Variants in KDM4C observed in about 807,000 individuals in gnomAD.
The protein encoded by KDM4C is lysine demethylase 4C.
Under a neutral mutation model 129.3 loss-of-function variants are expected in KDM4C, and 81 were observed. The observed-to-expected ratio is 0.63, with a 90% CI of 0.52 to 0.75. KDM4C has a LOEUF of 0.75. Among genes scored for constraint, KDM4C ranks in the 30% least tolerant of loss-of-function variants. The pLI is 0.00. For synonymous variants in KDM4C, 573 were observed against 456.1 expected (o/e 1.26, Z -3.26); for missense variants, 1,457 against 1,304.0 (o/e 1.12, Z -1.81).
chr9:6,880,072 C>G lies in KDM4C; in HGVS notation c.679+11C>G, dbSNP rs565986588. The G allele has an allele frequency of 1.9e-6, 3 of 1,580,472 alleles. No homozygotes were observed. Among genetic ancestry groups the G allele is most frequent in the East Asian group, 2.3e-5 (1 of 44,366 alleles). ...AAAGACTAGCTCAAGGTAAAACTTG[C>G]TTTTTAAATTTGTTTTCTGTGTTTT... is the stretch of plus-strand genomic sequence containing the variant. On this transcript the variant is annotated intron_variant, in intron 6 of 21. Transcript: ENST00000381309.
At chr9:6,731,593 A>T (rs1172852219) in intron 1 of KDM4C, among the ~76,000 whole-genome samples, 1 of 151,980 alleles carries the variant, frequency 6.6e-6, no homozygotes. Flanking sequence ...CGGCCTCCCA[A>T]AGTGCTGGGA....
intron 8 of KDM4C, chr9:6,948,189 A>G (rs924002525): frequency 6.6e-6 from 1 of 152,232 alleles, no homozygotes; most frequent in Non-Finnish European, 1.5e-5. Flanking sequence ...AAGCATTACT[A>G]ACTGCATTAA....
chr9:7,058,145 G>A (rs1831126983), intron 17 of KDM4C, among the ~76,000 whole-genome samples: 1 of 152,112 alleles, frequency 6.6e-6, no homozygotes, highest in Non-Finnish European at 1.5e-5. Flanking sequence ...CAAAGCACAG[G>A]GGCCAGCAGT....
At chr9:6,891,321 C>T (rs575568947) in intron 7 of KDM4C, among the ~76,000 whole-genome samples, 7 of 152,260 alleles carry the variant, frequency 4.6e-5, no homozygotes, top group African/African-American at 1.7e-4. Flanking sequence ...GAAGATTATT[C>T]AGCCATAAAA....
chr9:7,148,805 C>A (rs1465921377), intron 19 of KDM4C, among the ~76,000 whole-genome samples: 1 of 152,162 alleles, frequency 6.6e-6, no homozygotes, highest in African/African-American at 2.4e-5. Context: ...GTGTCTGAGT[C>A]CAGCTGAGTC....
intron 4 of KDM4C, chr9:6,834,641 G>A (rs1190067024): frequency 1.0e-5 from 8 of 778,680 alleles, no homozygotes; most frequent in African/African-American, 1.0e-4. Flanking sequence ...GAGCAAGAGA[G>A]GCATCCTGAC....
At chr9:7,103,275 C>G (rs954313588) in intron 17 of KDM4C, among the ~76,000 whole-genome samples, 4 of 152,212 alleles carry the variant, frequency 2.6e-5, no homozygotes, top group Non-Finnish European at 5.9e-5. Flanking sequence ...GACCTGTCCT[C>G]CAAACCCATA....
At chr9:6,780,229 A>T (rs1344038523) in intron 1 of KDM4C, among the ~76,000 whole-genome samples, 4 of 152,166 alleles carry the variant, frequency 2.6e-5, no homozygotes, top group African/African-American at 9.6e-5. Flanking sequence ...ATTAAAAATT[A>T]TGTAAATAGA....
intron 8 of KDM4C, among the ~76,000 whole-genome samples, chr9:6,912,214 C>G (rs577732126): frequency 1.3e-5 from 2 of 152,178 alleles, no homozygotes; most frequent in Admixed American, 6.5e-5. Context: ...CTATGCTTCT[C>G]TGCATTCTCC....
chr9:7,097,856 A>T (rs1237025259), intron 17 of KDM4C, among the ~76,000 whole-genome samples: 2 of 152,234 alleles, frequency 1.3e-5, no homozygotes, highest in Non-Finnish European at 2.9e-5. Flanking sequence ...TCTTACATAG[A>T]AGATATTTAG....
At position 6,752,455 on chromosome 9, in the gene KDM4C, A is replaced by C. The variant is rs181386859; in HGVS notation, c.49+31458A>C. On this transcript the variant is annotated intron_variant, in intron 1 of 17. Coordinates refer to the KDM4C transcript ENST00000536108. ...GGTGGAGTTTCGCTCTTGTTGCCCA[A>C]GCTGGAATGCAATGGCATGATCTCG... Among the ~76,000 whole-genome samples, 25 of 145,662 alleles carry C rather than the reference A, an allele frequency of 1.7e-4. 1 individual carries two copies. The highest frequency in any genetic ancestry group is 7.6e-4 in the Admixed American group (11 of 14,496).
At chr9:7,128,387 A>G (rs1840253158) in intron 19 of KDM4C, 151 bp downstream of exon 19, 3 of 541,108 alleles carry the variant, frequency 5.5e-6, no homozygotes, top group Non-Finnish European at 6.0e-6. Flanking sequence ...ATCCAGGTGA[A>G]CTTAGACTGA....
At chr9:6,988,084 A>G (rs1363751944) in intron 11 of KDM4C, among the ~76,000 whole-genome samples, 1 of 149,274 alleles carries the variant, frequency 6.7e-6, no homozygotes, top group African/African-American at 2.5e-5. Flanking sequence ...GAGCTCAGGA[A>G]TTCAAGGCTG....
At chr9:6,948,656 G>A (rs1346691425) in intron 8 of KDM4C, among the ~76,000 whole-genome samples, 3 of 151,378 alleles carry the variant, frequency 2.0e-5, no homozygotes, top group South Asian at 2.1e-4. Context: ...TGTGTCCCTG[G>A]GTACTTGAGA....
intron 19 of KDM4C, among the ~76,000 whole-genome samples, chr9:7,163,633 C>T (rs964624301): frequency 3.9e-5 from 6 of 152,174 alleles, no homozygotes; most frequent in Admixed American, 1.3e-4. Context: ...CGGAGACTGA[C>T]GCATGTAATC....
At chr9:6,905,165 T>C (rs917724535) in intron 8 of KDM4C, among the ~76,000 whole-genome samples, 5 of 152,182 alleles carry the variant, frequency 3.3e-5, no homozygotes, top group Admixed American at 6.5e-5. Context: ...AGCTTTTCTA[T>C]TTTTGAGGAT....
rs77035175 is a variant in KDM4C, at chr9:7,120,044, T to A, written c.2611-8022T>A. Among the ~76,000 whole-genome samples the A allele has an allele frequency of 7.5e-3, 1,137 of 152,298 alleles. 20 individuals are homozygous for A. Among genetic ancestry groups the A allele is most frequent in the African/African-American group, 0.026 (1,083 of 41,554 alleles). On this transcript the variant is annotated intron_variant, in intron 18 of 21. Transcript: ENST00000381309. ...ATTAGTAATTAAATGCCACTTTTTT[T>A]AAACCCCATCCCATTCTAGTATTGC...
intron 10 of KDM4C, among the ~76,000 whole-genome samples, chr9:6,985,451 C>T (rs73639446): frequency 2.6e-3 from 393 of 152,218 alleles, no homozygotes; most frequent in African/African-American, 8.9e-3. Flanking sequence ...TAATTACAAT[C>T]CAATGTGGTA....
At chr9:6,934,040 G>A (rs575837146) in intron 8 of KDM4C, among the ~76,000 whole-genome samples, 3 of 151,800 alleles carry the variant, frequency 2.0e-5, no homozygotes, top group African/African-American at 7.3e-5. Context: ...TGTAGAGATG[G>A]GGTTTCACCA....
Sources: gnomAD v4.1 joint callset for allele counts (sites outside exome capture counted in the v4.1 genomes callset) on GRCh38, gnomAD v4.1.1 for gene constraint, MANE v1.5 for transcripts, NCBI Gene and HGNC (gene_info 2026-07-23, HGNC 2026-07-21) for gene names.